The following NRXN1 variants were observed in gnomAD, a reference collection of about 807,000 sequenced individuals.
NRXN1 encodes the protein neurexin 1, also known as neurexin-1.
In NRXN1, 39 loss-of-function variants were observed where a neutral mutation model predicts 150.9. The observed-to-expected ratio is 0.26, with a 90% CI of 0.20 to 0.34. NRXN1 has a LOEUF of 0.34. Ranked by LOEUF, NRXN1 falls within the 10% of genes least tolerant of loss-of-function variation. The pLI is 1.00. For synonymous variants in NRXN1, 924 were observed against 757.0 expected (o/e 1.22, Z -3.62); for missense variants, 1,815 against 1,949.9 (o/e 0.93, Z 1.30).
chr2:50,826,447 G>A (rs1415885575), intron 5 of NRXN1, among the ~76,000 whole-genome samples: 1 of 152,048 alleles, frequency 6.6e-6, no homozygotes, highest in Non-Finnish European at 1.5e-5. Context: ...TTGAAATTTA[G>A]ACATTAGATG....
intron 17 of NRXN1, among the ~76,000 whole-genome samples, chr2:50,366,852 T>C (rs560974584): frequency 3.3e-5 from 5 of 151,892 alleles, no homozygotes; most frequent in Non-Finnish European, 5.9e-5. Context: ...CCTGCAGGAG[T>C]TATACCAGCC....
At chr2:50,116,204 A>G (rs1332940640) in intron 18 of NRXN1, among the ~76,000 whole-genome samples, 1 of 152,082 alleles carries the variant, frequency 6.6e-6, no homozygotes, top group Non-Finnish European at 1.5e-5. Context: ...GCTTATCTAC[A>G]GCAATTGAAG....
intron 2 of NRXN1, among the ~76,000 whole-genome samples, chr2:51,023,639 A>G (rs1006758871): frequency 1.3e-5 from 2 of 152,210 alleles, no homozygotes; most frequent in Admixed American, 1.3e-4. Flanking sequence ...TTTTAAAGTC[A>G]ATATGCCTTC....
chr2:49,972,401 T>C (rs1211908251), intron 21 of NRXN1, among the ~76,000 whole-genome samples: 2 of 152,186 alleles, frequency 1.3e-5, no homozygotes, highest in Non-Finnish European at 2.9e-5. Context: ...TGGCCATCTA[T>C]TAAAAAGTCA....
Position 50,134,213 on chromosome 2 carries a change from T to TTTGAAATGCATAG in NRXN1, c.3547-42720_3547-42719insCTATGCATTTCAA, listed in dbSNP as rs547883589. On this transcript the variant is annotated intron_variant, in intron 18 of 22. Transcript: ENST00000401669. ...GTGTTAATCTAGAACTATGACATTT[T>TTTGAAATGCATAG]TTGAAAAGCAACAAAAAGGGTGTTG... Among the ~76,000 whole-genome samples the TTTGAAATGCATAG allele has an allele frequency of 2.7e-3, 410 of 151,514 alleles. 1 individual carries two copies. Among genetic ancestry groups the TTTGAAATGCATAG allele is most frequent in the African/African-American group, 9.7e-3 (401 of 41,214 alleles).
intron 19 of NRXN1, among the ~76,000 whole-genome samples, chr2:50,062,966 T>C (rs1382828871): frequency 6.6e-6 from 1 of 152,172 alleles, no homozygotes; most frequent in African/African-American, 2.4e-5. Context: ...TCTTGAGTTT[T>C]TAACATTGGG....
At chr2:50,647,474 A>G (rs1245481615) in intron 5 of NRXN1, among the ~76,000 whole-genome samples, 2 of 151,996 alleles carry the variant, frequency 1.3e-5, no homozygotes, top group African/African-American at 4.8e-5. Context: ...TACACAGGAA[A>G]ACAAAATAGA....
At chr2:50,104,548 T>A (rs916081520) in intron 18 of NRXN1, among the ~76,000 whole-genome samples, 1 of 152,018 alleles carries the variant, frequency 6.6e-6, no homozygotes, top group Non-Finnish European at 1.5e-5. Flanking sequence ...TGGCAGCAGA[T>A]GCGTGATGAT....
At chr2:50,360,948 C>T (rs6724386) in intron 17 of NRXN1, among the ~76,000 whole-genome samples, 34,108 of 151,974 alleles carry the variant, frequency 0.22, 4,249 homozygotes, top group East Asian at 0.43. Context: ...TAGAACTCAG[C>T]ATTAAGAAAC....
At chr2:50,167,768 G>A (rs2059776508) in intron 18 of NRXN1, among the ~76,000 whole-genome samples, 1 of 152,026 alleles carries the variant, frequency 6.6e-6, no homozygotes, top group Non-Finnish European at 1.5e-5. Flanking sequence ...TAAAAATTCT[G>A]AACTAATTGG....
At chr2:50,187,672 A>C (rs1400278094) in intron 18 of NRXN1, among the ~76,000 whole-genome samples, 1 of 152,036 alleles carries the variant, frequency 6.6e-6, no homozygotes, top group South Asian at 2.1e-4. Context: ...GAATCTATAC[A>C]TTACCTTGGG....
At chr2:50,396,614 T>C (rs1447798495) in intron 17 of NRXN1, among the ~76,000 whole-genome samples, 1 of 152,090 alleles carries the variant, frequency 6.6e-6, no homozygotes, top group Non-Finnish European at 1.5e-5. Flanking sequence ...CAGGGCTATG[T>C]CTGCTTTGCT....
At chr2:50,674,815 T>A (rs898382241) in intron 5 of NRXN1, among the ~76,000 whole-genome samples, 1 of 152,108 alleles carries the variant, frequency 6.6e-6, no homozygotes, top group African/African-American at 2.4e-5. Context: ...AGTTTAATTT[T>A]AAATACATTT....
chr2:50,634,833 C>T (rs1246382025), intron 5 of NRXN1, among the ~76,000 whole-genome samples: 1 of 152,114 alleles, frequency 6.6e-6, no homozygotes. Flanking sequence ...AGTCCTCTTT[C>T]TGTGGGCTGT....
intron 18 of NRXN1, among the ~76,000 whole-genome samples, chr2:50,219,099 G>T (rs1486666752): frequency 6.6e-6 from 1 of 151,964 alleles, no homozygotes; most frequent in Non-Finnish European, 1.5e-5. Flanking sequence ...TGGATTTTAA[G>T]TTAGGGTGAC....
chr2:50,118,789 T>C (rs189022663), intron 18 of NRXN1, among the ~76,000 whole-genome samples: 99 of 152,266 alleles, frequency 6.5e-4, no homozygotes, highest in African/African-American at 2.2e-3. Flanking sequence ...CAGCTGTGGA[T>C]TGGACAGTGA....
At position 50,348,046 on chromosome 2, in the gene NRXN1, A is replaced by G. The variant is rs539931400; in HGVS notation, c.3365-111076T>C. ...GCAAATGGCACCCTTCCCCTACCCA[A>G]TGGTTTAGATGTAACCAGTGTCTTT... On this transcript the variant is annotated intron_variant, in intron 17 of 22. Coordinates refer to ENST00000401669, the MANE Select transcript of NRXN1 (RefSeq NM_001330078.2). Among the ~76,000 whole-genome samples the G allele has an allele frequency of 3.3e-5, 5 of 152,266 alleles. No homozygotes were observed. In the South Asian group the frequency reaches 6.2e-4, roughly 19 times the overall value.
At chr2:50,471,970 C>T (rs753077355) in intron 16 of NRXN1, among the ~76,000 whole-genome samples, 3 of 151,560 alleles carry the variant, frequency 2.0e-5, no homozygotes, top group Non-Finnish European at 2.9e-5. Flanking sequence ...TGCTATAAAG[C>T]AAGCATCGTA....
intron 18 of NRXN1, among the ~76,000 whole-genome samples, chr2:50,217,500 T>C (rs552469706): frequency 1.2e-4 from 18 of 152,140 alleles, no homozygotes; most frequent in African/African-American, 4.1e-4. Context: ...TATAATTACA[T>C]GCTTTAAAAC....
Sources: allele counts gnomAD v4.1 joint callset (sites outside exome capture counted in the v4.1 genomes callset), GRCh38; gene constraint gnomAD v4.1.1; transcripts MANE v1.5; gene names NCBI Gene and HGNC (gene_info 2026-07-23, HGNC 2026-07-21).